The following MGAM2 variants were observed in gnomAD, a reference collection of about 807,000 sequenced individuals.
MGAM2 encodes the protein maltase-glucoamylase 2 (putative).
Under a neutral mutation model 96.1 loss-of-function variants are expected in MGAM2, and 98 were observed. The observed-to-expected ratio is 1.02, with a 90% CI of 0.87 to 1.21. The LOEUF (loss-of-function observed/expected upper bound fraction) is 1.21. Among genes scored for constraint, MGAM2 ranks in the 50% most tolerant of loss-of-function variants. The pLI, the probability that MGAM2 is intolerant of heterozygous loss-of-function variation, is 0.00. For missense variants in MGAM2, 2,055 were observed against 1,182.4 expected (o/e 1.74, Z -10.82); for synonymous variants, 749 against 414.8 (o/e 1.81, Z -9.79).
rs1235561552 is a variant in MGAM2 at position 142,120,379 on chromosome 7, G to A, written c.184G>A (p.Glu62Lys). Reference sequence around the variant, plus strand: ...CTGCACACCTGACCAGGAGGTGACCGAGGTCAGAGAAATAAGGTCCCTTTT... The same window carrying A: ...CTGCACACCTGACCAGGAGGTGACCAAGGTCAGAGAAATAAGGTCCCTTTT... ...IDCTPDQEVT[E>K]DICRWQYKCC... Residue 62 changes from glutamate (E) to lysine (K), a missense_variant and splice_region_variant, in exon 3 of 48, where the codon GAG (glutamate) becomes AAG (lysine). Glu to Lys is a moderately conservative substitution (Grantham distance 56). Coordinates refer to ENST00000477922, the MANE Select transcript of MGAM2 (RefSeq NM_001293626.2). 2 of 702,874 alleles carry A rather than the reference G, an allele frequency of 2.8e-6. No homozygotes were observed. Among genetic ancestry groups the A allele is most frequent in the South Asian group, 1.5e-5 (1 of 67,550 alleles). 43.5% of individuals were successfully genotyped at this position (702,874 alleles called of 1,614,324 possible). A position where few individuals can be genotyped will look rare whatever the true frequency, so the allele number is the denominator to read the frequency against.
chr7:142,158,336 T>C lies in MGAM2; in HGVS notation c.2163+4T>C. Reference sequence around the variant, plus strand: ...CATCACGCCTGTTTTATATGAAGTATGTTTATCATCTAAACAATGAAAGGG... The same window carrying C: ...CATCACGCCTGTTTTATATGAAGTACGTTTATCATCTAAACAATGAAAGGG... On this transcript the variant is annotated splice_donor_region_variant and intron_variant, in intron 19 of 47. Coordinates refer to ENST00000477922, the MANE Select transcript of MGAM2 (RefSeq NM_001293626.2). The C allele has an allele frequency of 1.4e-6, 1 of 702,974 alleles. No homozygotes were observed. Among genetic ancestry groups the C allele is most frequent in the Admixed American group, 2.0e-5 (1 of 50,018 alleles). 43.5% of individuals were successfully genotyped at this position (702,974 alleles called of 1,614,324 possible).
rs1794905393 is a variant in MGAM2, at chr7:142,132,038, T to C, written c.528T>C (p.Asp176=). ...SNLSYYVEVT[D]KPFSIKIMRT... ...TGAGCTATTACGTGGAGGTTACTGA[T>C]AAACCTTTCAGCATCAAAATAATGA... The change falls in exon 6 of 48, where the codon GAT becomes GAC. Residue 176 remains aspartate (D), a synonymous_variant. Transcript: ENST00000477922. The C allele has an allele frequency of 1.4e-6, 1 of 703,106 alleles. No homozygotes were observed. Among genetic ancestry groups the C allele is most frequent in the Admixed American group, 2.0e-5 (1 of 49,964 alleles). The allele number at this position is 703,106 out of a possible 1,614,324, so 43.6% of individuals were successfully genotyped here.
rs535528253 is a variant in MGAM2, at chr7:142,131,504, C to T, written c.311-14C>T. 2.9e-6 allele frequency: 2 copies of T among 701,560 alleles called. No individual in the cohort carries two copies. Among genetic ancestry groups the T allele is most frequent in the South Asian group, 1.5e-5 (1 of 67,368 alleles). 43.5% of individuals were successfully genotyped at this position (701,560 alleles called of 1,614,324 possible). On this transcript the variant is annotated splice_polypyrimidine_tract_variant and intron_variant, in intron 4 of 47. Coordinates refer to ENST00000477922, the MANE Select transcript of MGAM2 (RefSeq NM_001293626.2). The stretch of plus-strand genomic sequence containing the variant: ...AGTCTCCTTTTCTCTCTCTCCATAT[C>T]TTGCCACCCCTAGGATTTACTGCCC...
At chr7:142,207,035 G>A (rs932040287) in intron 45 of MGAM2, among the ~76,000 whole-genome samples, 1 of 152,210 alleles carries the variant, frequency 6.6e-6, no homozygotes, top group Non-Finnish European at 1.5e-5. Context: ...AAAAGTGGAG[G>A]TAATTTAGAA....
intron 35 of MGAM2, 68 bp from the exon 36 acceptor site, chr7:142,187,682 G>C: frequency 1.5e-6 from 1 of 678,566 alleles, no homozygotes; most frequent in South Asian, 1.6e-5. Flanking sequence ...CCCTGAGTTA[G>C]TGTCCTCTAT....
rs142655922 is a variant in MGAM2, at chr7:142,159,477, G to T, written c.2220+134G>T. 4.9e-6 allele frequency: 3 copies of T among 609,070 alleles called. No individual in the cohort carries two copies. In the African/African-American group the frequency reaches 5.5e-5, roughly 11 times the overall value. 37.7% of individuals were successfully genotyped at this position (609,070 alleles called of 1,614,324 possible). ...TAGTTGATTGTGGTCCTTTTTCTGTGAGAAAGGCATCTTAGTTGGTTCAGG... is the reference window on the plus strand; with the variant it reads ...TAGTTGATTGTGGTCCTTTTTCTGTTAGAAAGGCATCTTAGTTGGTTCAGG... On this transcript the variant is annotated intron_variant, in intron 20 of 47. Transcript: ENST00000477922.
chr7:142,198,578 A>C (rs1270592908), intron 43 of MGAM2, 37 bp from the exon 44 acceptor site: 2 of 699,818 alleles, frequency 2.9e-6, no homozygotes, highest in Admixed American at 2.0e-5. Context: ...TAATATATTT[A>C]TCTCTCGCCA....
At chr7:142,131,464 C>T in intron 4 of MGAM2, 54 bp from the exon 5 acceptor site, 4 of 682,810 alleles carry the variant, frequency 5.9e-6, no homozygotes, top group Non-Finnish European at 1.1e-5. Context: ...AAAACAAAAC[C>T]AAACACTAAA....
intron 2 of MGAM2, among the ~76,000 whole-genome samples, chr7:142,119,674 T>C (rs77756407): frequency 0.017 from 2,524 of 152,208 alleles, 78 homozygotes; most frequent in African/African-American, 0.057. Flanking sequence ...GATGAATAGA[T>C]AAACAAAATG....
intron 3 of MGAM2, among the ~76,000 whole-genome samples, chr7:142,127,235 G>C (rs1051193799): frequency 6.6e-6 from 1 of 152,098 alleles, no homozygotes; most frequent in African/African-American, 2.4e-5. Context: ...AATGATCCAT[G>C]ACATTTTATT....
chr7:142,198,588 A>T, intron 43 of MGAM2, 27 bp from the exon 44 acceptor site: 1 of 700,356 alleles, frequency 1.4e-6, no homozygotes, highest in Admixed American at 2.0e-5. Context: ...ATCTCTCGCC[A>T]TTTTTTGCCT....
chr7:142,116,277 C>T (rs1208917846), intron 1 of MGAM2, among the ~76,000 whole-genome samples: 1 of 152,144 alleles, frequency 6.6e-6, no homozygotes, highest in East Asian at 1.9e-4. Flanking sequence ...TTCGGGGTTA[C>T]TGGGAGCCAC....
intron 46 of MGAM2, among the ~76,000 whole-genome samples, chr7:142,209,641 CTTTT>C (rs1329561399): frequency 6.6e-6 from 1 of 152,086 alleles, no homozygotes; most frequent in Non-Finnish European, 1.5e-5. Flanking sequence ...TCAGTTATTT[CTTTT>C]GTCTTCTTAG....
chr7:142,116,903 CCTT>C lies in MGAM2; in HGVS notation c.33_35del (p.Leu12del). ...CGAGGAAGCTCAGTGTATTGGAAGT[CCTT>C]CTGATCATCTTCTGCTTAATTGTGG... On this transcript the variant is annotated inframe_deletion, in exon 2 of 48. Transcript: ENST00000477922. The C allele has an allele frequency of 1.4e-6, 1 of 703,448 alleles. No individual in the cohort carries two copies. The highest frequency in any genetic ancestry group is 2.6e-6 in the Non-Finnish European group (1 of 385,088). 43.6% of individuals were successfully genotyped at this position (703,448 alleles called of 1,614,324 possible).
chr7:142,164,382 T>C (rs1585178068), intron 23 of MGAM2, among the ~76,000 whole-genome samples: 2 of 152,196 alleles, frequency 1.3e-5, no homozygotes, highest in African/African-American at 4.8e-5. Context: ...CTGAATGAAG[T>C]AATACATGTC....
Position 142,189,361 on chromosome 7 carries a change from C to T in MGAM2, c.4208-6C>T. On this transcript the variant is annotated splice_polypyrimidine_tract_variant and splice_region_variant and intron_variant, in intron 36 of 47. Transcript: ENST00000477922. ...GTTTAGGAAATAACTCAACATTTCC[C>T]CTCAGATTTGGAATCTAGGGACAAG... 1.5e-6 allele frequency: 1 copy of T among 681,424 alleles called. No homozygotes were observed. Among genetic ancestry groups the T allele is most frequent in the Non-Finnish European group, 2.7e-6 (1 of 374,376 alleles). The allele number at this position is 681,424 out of a possible 1,614,324, so 42.2% of individuals were successfully genotyped here.
chr7:142,114,689 T>C (rs1014439932), intron 1 of MGAM2, among the ~76,000 whole-genome samples: 2 of 152,088 alleles, frequency 1.3e-5, no homozygotes, highest in Non-Finnish European at 2.9e-5. Flanking sequence ...AGATAACAGA[T>C]ACAAGGATTA....
intron 32 of MGAM2, among the ~76,000 whole-genome samples, chr7:142,182,196 C>A (rs923962489): frequency 1.3e-5 from 2 of 152,276 alleles, no homozygotes; most frequent in South Asian, 4.1e-4. Flanking sequence ...TGCTTAAACC[C>A]TGGTGGGTTG....
intron 14 of MGAM2, among the ~76,000 whole-genome samples, chr7:142,146,813 C>T (rs1435247643): frequency 1.3e-4 from 20 of 151,948 alleles, no homozygotes; most frequent in African/African-American, 2.4e-4. Flanking sequence ...TTGCCACCTC[C>T]GCCTCCCGGG....
Sources: gnomAD v4.1 joint callset for allele counts (sites outside exome capture counted in the v4.1 genomes callset) on GRCh38, gnomAD v4.1.1 for gene constraint, MANE v1.5 for transcripts, NCBI Gene and HGNC (gene_info 2026-07-23, HGNC 2026-07-21) for gene names.